Variants in NKAIN1 observed in about 807,000 individuals in gnomAD.
The protein encoded by NKAIN1 is sodium/potassium-transporting ATPase subunit beta-1-interacting protein 1.
Under a neutral mutation model 31.6 loss-of-function variants are expected in NKAIN1, and 13 were observed. The ratio of observed to expected loss-of-function variants is 0.41; its 90% CI spans 0.27 to 0.65. The LOEUF is 0.65. NKAIN1 is among the 30% of genes least tolerant of loss of function. The pLI, the probability that NKAIN1 is intolerant of heterozygous loss-of-function variation, is 0.30. For synonymous variants in NKAIN1, 104 were observed against 109.0 expected (o/e 0.95, Z 0.28); for missense variants, 193 against 262.2 (o/e 0.74, Z 1.82).
At chr1:31,184,707 A>AT (rs1645228846) in intron 3 of NKAIN1, among the ~76,000 whole-genome samples, 1 of 152,106 alleles carries the variant, frequency 6.6e-6, no homozygotes, top group Admixed American at 6.6e-5. Flanking sequence ...AAATTCACAT[A>AT]TTTTGCCTCT....
intron 2 of NKAIN1, among the ~76,000 whole-genome samples, chr1:31,187,432 C>T (rs1645251961): frequency 6.6e-6 from 1 of 152,074 alleles, no homozygotes; most frequent in African/African-American, 2.4e-5. Context: ...CAGGGAGGCA[C>T]TGACCTCAAA....
intron 1 of NKAIN1, among the ~76,000 whole-genome samples, chr1:31,193,625 G>A (rs1201792809): frequency 1.3e-5 from 2 of 152,024 alleles, no homozygotes; most frequent in East Asian, 3.9e-4. Context: ...GAACCCGGGA[G>A]GTGGAGGTTG....
intron 2 of NKAIN1, among the ~76,000 whole-genome samples, chr1:31,187,589 T>G (rs1645253825): frequency 6.6e-6 from 1 of 152,148 alleles, no homozygotes; most frequent in South Asian, 2.1e-4. Flanking sequence ...TGAGGCCGTG[T>G]GGTGCCGCAG....
intron 1 of NKAIN1, among the ~76,000 whole-genome samples, chr1:31,221,376 A>T (rs1645563668): frequency 6.6e-6 from 1 of 152,198 alleles, no homozygotes; most frequent in Non-Finnish European, 1.5e-5. Context: ...AGAGATGCAC[A>T]TTCTTGGCCC....
intron 1 of NKAIN1, among the ~76,000 whole-genome samples, chr1:31,214,012 AAATT>A (rs68130525): frequency 0.12 from 2,564 of 21,898 alleles, 73 homozygotes; most frequent in Middle Eastern, 0.33. Flanking sequence ...AATAAAATAA[AAATT>A]AATTAATTAA....
Position 31,200,017 on chromosome 1 carries a change from A to G in NKAIN1, c.55-11830T>C, listed in dbSNP as rs1224462358. On this transcript the variant is annotated intron_variant, in intron 1 of 6. Coordinates refer to ENST00000373736, the MANE Select transcript of NKAIN1 (RefSeq NM_024522.3). Reference sequence around the variant, plus strand: ...CACACACACACGCACACACATGCACACACACACGCACACACACACACATGC... The same window carrying G: ...CACACACACACGCACACACATGCACGCACACACGCACACACACACACATGC... 1.4e-4 allele frequency among the ~76,000 whole-genome samples: 11 copies of G among 76,654 alleles called. 1 individual carries two copies. The highest frequency in any genetic ancestry group is 1.2e-3 in the South Asian group (3 of 2,408). 50.3% of individuals were successfully genotyped at this position (76,654 alleles called of 152,430 possible).
intron 1 of NKAIN1, among the ~76,000 whole-genome samples, chr1:31,231,886 T>C (rs1645652461): frequency 6.6e-6 from 1 of 151,092 alleles, no homozygotes; most frequent in African/African-American, 2.4e-5. Context: ...CTGAAGTTTG[T>C]CTCTCTGTGC....
chr1:31,219,439 C>T (rs1461569409), intron 1 of NKAIN1, among the ~76,000 whole-genome samples: 1 of 152,234 alleles, frequency 6.6e-6, no homozygotes, highest in Non-Finnish European at 1.5e-5. Flanking sequence ...TGACAGTGGG[C>T]TTGGGGCTGA....
At chr1:31,184,059 G>C (rs185190398) in intron 3 of NKAIN1, 45 bp from the exon 4 acceptor site, 11 of 1,550,198 alleles carry the variant, frequency 7.1e-6, no homozygotes, top group South Asian at 5.7e-5. Flanking sequence ...GGGAGAGGGA[G>C]GGGGGAGCTA....
At chr1:31,216,696 T>C (rs6660276) in intron 1 of NKAIN1, among the ~76,000 whole-genome samples, 649 of 46,600 alleles carry the variant, frequency 0.014, 7 homozygotes, top group African/African-American at 0.054. Context: ...TGACTTTTAT[T>C]TATTTATTTA....
chr1:31,181,960 G>GC lies in NKAIN1; in HGVS notation c.533-20dup. 6.3e-7 allele frequency: 1 copy of GC among 1,597,456 alleles called. No individual in the cohort carries two copies. The highest frequency in any genetic ancestry group is 8.5e-7 in the Non-Finnish European group (1 of 1,172,568). ...AAGTCAACTGCGGAAGAGGGGCGGCGCATGTTAGGGATCGGCGGCGGGGGC... is the reference window on the plus strand; with the variant it reads ...AAGTCAACTGCGGAAGAGGGGCGGCGCCATGTTAGGGATCGGCGGCGGGGGC... On this transcript the variant is annotated intron_variant, in intron 5 of 6. Coordinates refer to ENST00000373736, the MANE Select transcript of NKAIN1 (RefSeq NM_024522.3).
chr1:31,218,071 T>TCTTTCTTTC lies in NKAIN1; in HGVS notation c.54+21422_54+21423insGAAAGAAAG, dbSNP rs201070152. On this transcript the variant is annotated intron_variant, in intron 1 of 6. Coordinates refer to ENST00000373736, the MANE Select transcript of NKAIN1 (RefSeq NM_024522.3). ...TTCTTTCTTTCTTTCTTTCTTTCTT[T>TCTTTCTTTC]TTTTTTTTTGAGATGGAGTCTCGCT... Among the ~76,000 whole-genome samples, 758 of 133,316 alleles carry TCTTTCTTTC rather than the reference T, an allele frequency of 5.7e-3. 6 individuals are homozygous for TCTTTCTTTC. Among genetic ancestry groups the TCTTTCTTTC allele is most frequent in the Admixed American group, 0.013 (158 of 11,960 alleles). The allele number at this position is 133,316 out of a possible 152,430, so 87.5% of individuals were successfully genotyped here. A position where few individuals can be genotyped will look rare whatever the true frequency, so the allele number is the denominator to read the frequency against.
intron 1 of NKAIN1, among the ~76,000 whole-genome samples, chr1:31,200,341 G>T (rs1645370061): frequency 6.6e-6 from 1 of 152,020 alleles, no homozygotes; most frequent in Non-Finnish European, 1.5e-5. Flanking sequence ...ACAATAAACA[G>T]TTATGAGATG....
In NKAIN1 at chr1:31,226,144, G is replaced by A. The variant is rs938005972; in HGVS notation, c.54+13350C>T. Among the ~76,000 whole-genome samples, 3 of 152,340 alleles carry A rather than the reference G, an allele frequency of 2.0e-5. No individual in the cohort carries two copies. The East Asian group carries it at 5.8e-4, about 29-fold the overall frequency. On this transcript the variant is annotated intron_variant, in intron 1 of 6. Transcript: ENST00000373736. ...ACAACCCTGCAAGGAACAGGCTGTC[G>A]CCTTCATTACAGATGAAGAAACCAA...
intron 1 of NKAIN1, among the ~76,000 whole-genome samples, chr1:31,216,728 T>TTATTTATG (rs1213416114): frequency 1.3e-5 from 2 of 151,826 alleles, no homozygotes; most frequent in African/African-American, 4.8e-5. Flanking sequence ...ATTTATTTAT[T>TTATTTATG]TATTGAGACA....
At chr1:31,192,098 C>T (rs1470703920) in intron 1 of NKAIN1, among the ~76,000 whole-genome samples, 1 of 152,110 alleles carries the variant, frequency 6.6e-6, no homozygotes, top group Non-Finnish European at 1.5e-5. Flanking sequence ...TATCCAAGTC[C>T]TCCTTAGTTT....
At chr1:31,187,400 C>G (rs114796462) in intron 2 of NKAIN1, among the ~76,000 whole-genome samples, 3 of 151,982 alleles carry the variant, frequency 2.0e-5, no homozygotes, top group Non-Finnish European at 4.4e-5. Flanking sequence ...GGAGAGAGAC[C>G]CAGACTCCTG....
At chr1:31,211,738 C>T (rs969052638) in intron 1 of NKAIN1, among the ~76,000 whole-genome samples, 4 of 151,742 alleles carry the variant, frequency 2.6e-5, no homozygotes, top group African/African-American at 7.3e-5. Flanking sequence ...TGCTTGAGTT[C>T]GAGTCCAGCC....
rs903906189 is a variant in NKAIN1 at position 31,233,232 on chromosome 1, G to C, written c.54+6262C>G. Reference sequence around the variant, plus strand: ...CCCAAAGTGCTGGGATTACAGGTGTGAGCTACCGCACCCAGCCGTGCATCA... The same window carrying C: ...CCCAAAGTGCTGGGATTACAGGTGTCAGCTACCGCACCCAGCCGTGCATCA... On this transcript the variant is annotated intron_variant, in intron 1 of 6. Coordinates refer to ENST00000373736, the MANE Select transcript of NKAIN1 (RefSeq NM_024522.3). The surrounding 1 kb of genome is among the most constrained non-coding windows in gnomAD (Gnocchi z 4.0). Among the ~76,000 whole-genome samples the C allele has an allele frequency of 6.6e-6, 1 of 152,192 alleles. No homozygotes were observed. The highest frequency in any genetic ancestry group is 6.5e-5 in the Admixed American group (1 of 15,272).
Sources: gnomAD v4.1 joint callset for allele counts (sites outside exome capture counted in the v4.1 genomes callset) on GRCh38, gnomAD v4.1.1 for gene constraint, Gnocchi (gnomAD v3.1) non-coding constraint, MANE v1.5 for transcripts, NCBI Gene and HGNC (gene_info 2026-07-23, HGNC 2026-07-21) for gene names.